The following LHCGR variants were observed in gnomAD, a reference collection of about 807,000 sequenced individuals.
LHCGR encodes the protein luteinizing hormone/choriogonadotropin receptor, also known as lutropin-choriogonadotropic hormone receptor.
LHCGR carries 55 observed loss-of-function variants against 60.7 expected under a neutral mutation model. The observed-to-expected ratio is 0.91, with a 90% CI of 0.73 to 1.13. The LOEUF (loss-of-function observed/expected upper bound fraction) is 1.13. Ranked by LOEUF, LHCGR falls within the 50% of genes most tolerant of loss-of-function variation. The probability of loss-of-function intolerance (pLI) is 0.00; values close to 1 mark genes in which losing one functional copy is unlikely to be tolerated. For missense variants in LHCGR, 862 were observed against 836.0 expected (o/e 1.03, Z -0.38); for synonymous variants, 337 against 316.5 (o/e 1.06, Z -0.69).
chr2:48,687,026 G>A lies in LHCGR; in HGVS notation c.*671C>T, dbSNP rs1679925922. The A allele has an allele frequency of 6.6e-6, 1 of 152,118 alleles. No homozygotes were observed. The highest frequency in any genetic ancestry group is 2.4e-5 in the African/African-American group (1 of 41,414). The allele number at this position is 152,118 out of a possible 1,614,324, so 9.4% of individuals were successfully genotyped here. On this transcript the variant is annotated 3_prime_UTR_variant, in exon 11 of 11. Coordinates refer to ENST00000294954, the MANE Select transcript of LHCGR (RefSeq NM_000233.4). ...AATAGGCTGAAATGTGCTTTCAGATGTTTACCTTAAATTATAAATAAGTAG... is the reference window on the plus strand; with the variant it reads ...AATAGGCTGAAATGTGCTTTCAGATATTTACCTTAAATTATAAATAAGTAG...
intron 1 of LHCGR, among the ~76,000 whole-genome samples, chr2:48,735,436 T>C (rs1427241339): frequency 6.6e-6 from 1 of 152,264 alleles, no homozygotes; most frequent in African/African-American, 2.4e-5. Context: ...GCTTGCTTGG[T>C]CTCCCCAGAA....
intron 10 of LHCGR, among the ~76,000 whole-genome samples, chr2:48,691,770 C>G (rs1315267750): frequency 6.7e-6 from 1 of 148,462 alleles, no homozygotes; most frequent in Non-Finnish European, 1.5e-5. Flanking sequence ...CGCTTGAACT[C>G]GGGAGGTGGA....
intron 1 of LHCGR, among the ~76,000 whole-genome samples, chr2:48,750,764 T>TA (rs1669921514): frequency 6.6e-6 from 1 of 152,246 alleles, no homozygotes; most frequent in African/African-American, 2.4e-5. Flanking sequence ...AGGTGGTTCT[T>TA]ACTCTAGCAC....
chr2:48,694,086 C>A, intron 10 of LHCGR, 138 bp downstream of exon 10: 1 of 657,212 alleles, frequency 1.5e-6, no homozygotes, highest in Non-Finnish European at 2.7e-6. Flanking sequence ...AAAAAATTCC[C>A]ATTTTAAAAC....
At chr2:48,752,508 T>C (rs1669999976) in intron 1 of LHCGR, among the ~76,000 whole-genome samples, 1 of 146,686 alleles carries the variant, frequency 6.8e-6, no homozygotes, top group African/African-American at 2.6e-5. Context: ...CCTGGAAGAC[T>C]TACCTCATAA....
intron 9 of LHCGR, among the ~76,000 whole-genome samples, chr2:48,697,513 ACT>A (rs1667176304): frequency 1.3e-5 from 2 of 152,206 alleles, no homozygotes; most frequent in Non-Finnish European, 2.9e-5. Flanking sequence ...ATGGCACATG[ACT>A]CTGTGAATAC....
intron 1 of LHCGR, among the ~76,000 whole-genome samples, chr2:48,739,694 G>A (rs2103675259): frequency 6.6e-6 from 1 of 152,150 alleles, no homozygotes; most frequent in South Asian, 2.1e-4. Context: ...GATAGCATTA[G>A]GAGATATACC....
At chr2:48,735,060 C>T (rs542582022) in intron 1 of LHCGR, among the ~76,000 whole-genome samples, 27 of 152,310 alleles carry the variant, frequency 1.8e-4, no homozygotes, top group South Asian at 1.7e-3. Context: ...GATGAGGCAA[C>T]GCAGGTGGCA....
intron 1 of LHCGR, among the ~76,000 whole-genome samples, chr2:48,745,453 C>A (rs1222457976): frequency 6.6e-6 from 1 of 152,020 alleles, no homozygotes; most frequent in African/African-American, 2.4e-5. Flanking sequence ...AGCCAAATGT[C>A]CAACAATGAT....
At chr2:48,739,940 T>G (rs1314496901) in intron 1 of LHCGR, among the ~76,000 whole-genome samples, 1 of 152,178 alleles carries the variant, frequency 6.6e-6, no homozygotes, top group Non-Finnish European at 1.5e-5. Flanking sequence ...CAGGTTCATC[T>G]CACTAGGGAG....
intron 7 of LHCGR, among the ~76,000 whole-genome samples, chr2:48,709,383 C>T (rs1259493625): frequency 2.0e-5 from 3 of 152,212 alleles, no homozygotes; most frequent in Non-Finnish European, 4.4e-5. Context: ...GGCTGAAGTG[C>T]AGCCTACTCT....
Position 48,714,525 on chromosome 2 carries a change from A to C in LHCGR, c.537-471T>G, listed in dbSNP as rs541376423. Among the ~76,000 whole-genome samples the C allele has an allele frequency of 3.4e-5, 5 of 149,250 alleles. No homozygotes were observed. In the South Asian group the frequency reaches 1.1e-3, roughly 32 times the overall value. On this transcript the variant is annotated intron_variant, in intron 6 of 10. Transcript: ENST00000294954. ...CTTGGATGAGTATGTGGTTTTGCTG[A>C]TGTCAGATTTGGCTCCACAACCAAG...
intron 1 of LHCGR, among the ~76,000 whole-genome samples, chr2:48,733,981 G>A (rs377693281): frequency 6.6e-6 from 1 of 152,126 alleles, no homozygotes; most frequent in East Asian, 1.9e-4. Context: ...TGTGAACAAT[G>A]ATCTTAATAA....
At chr2:48,755,279 C>G (rs946528570) in intron 1 of LHCGR, among the ~76,000 whole-genome samples, 2 of 152,006 alleles carry the variant, frequency 1.3e-5, no homozygotes, top group African/African-American at 2.4e-5. Context: ...CGGCCACAGC[C>G]CCAACCAGGG....
chr2:48,703,817 A>G (rs1667526306), intron 8 of LHCGR, among the ~76,000 whole-genome samples: 1 of 152,210 alleles, frequency 6.6e-6, no homozygotes, highest in Non-Finnish European at 1.5e-5. Context: ...TAAATATACA[A>G]TGATGTCATC....
At chr2:48,745,131 C>G (rs1346571574) in intron 1 of LHCGR, among the ~76,000 whole-genome samples, 2 of 152,178 alleles carry the variant, frequency 1.3e-5, no homozygotes, top group Admixed American at 6.5e-5. Context: ...AAATGCAAAT[C>G]AAAACCACAA....
chr2:48,709,420 G>A (rs989164602), intron 7 of LHCGR, among the ~76,000 whole-genome samples: 8 of 152,332 alleles, frequency 5.3e-5, no homozygotes, highest in Middle Eastern at 3.4e-3. Flanking sequence ...CATTGTGACC[G>A]TGGAGGTCTC....
intron 2 of LHCGR, 53 bp from the exon 3 acceptor site, chr2:48,729,280 T>G: frequency 5.3e-6 from 7 of 1,329,132 alleles, no homozygotes; most frequent in Non-Finnish European, 6.4e-6. Flanking sequence ...GAAATGACCG[T>G]GTCTGCATGA....
chr2:48,687,614 C>T lies in LHCGR; in HGVS notation c.*83G>A. 8.6e-7 allele frequency: 1 copy of T among 1,161,966 alleles called. No individual in the cohort carries two copies. The highest frequency in any genetic ancestry group is 1.3e-6 in the Non-Finnish European group (1 of 775,272). 72.0% of individuals were successfully genotyped at this position (1,161,966 alleles called of 1,614,324 possible). ...AAATAAATAATTTCCTAAATCCAAC[C>T]CTTTATGTTAAAATTACTGGTACAG... On this transcript the variant is annotated 3_prime_UTR_variant, in exon 11 of 11. Coordinates refer to ENST00000294954, the MANE Select transcript of LHCGR (RefSeq NM_000233.4).
Sources: allele counts gnomAD v4.1 joint callset (sites outside exome capture counted in the v4.1 genomes callset), GRCh38; gene constraint gnomAD v4.1.1; transcripts MANE v1.5; gene names NCBI Gene and HGNC (gene_info 2026-07-23, HGNC 2026-07-21).